Variants in SBF2 observed in about 807,000 individuals in gnomAD.
SBF2 encodes the protein myotubularin-related protein 13.
A neutral mutation model predicts 225.2 loss-of-function variants in SBF2; 112 were observed. The observed-to-expected ratio is 0.50, with a 90% confidence interval of 0.43 to 0.58. SBF2 has a LOEUF of 0.58. Among genes scored for constraint, SBF2 ranks in the 20% least tolerant of loss-of-function variants. The pLI is 0.00. For synonymous variants in SBF2, 763 were observed against 773.3 expected (o/e 0.99, Z 0.22); for missense variants, 1,996 against 2,206.2 (o/e 0.90, Z 1.91).
At chr11:10,097,526 T>C (rs1952076854) in intron 2 of SBF2, among the ~76,000 whole-genome samples, 1 of 152,068 alleles carries the variant, frequency 6.6e-6, no homozygotes, top group Non-Finnish European at 1.5e-5. Context: ...AAACACATTC[T>C]TTAAAAAAAG....
chr11:10,289,353 G>A (rs1160621365), intron 1 of SBF2, among the ~76,000 whole-genome samples: 1 of 152,162 alleles, frequency 6.6e-6, no homozygotes, highest in Non-Finnish European at 1.5e-5. Context: ...TGGGTCCACA[G>A]CTCTGACTTG....
At chr11:10,013,246 T>G (rs1288152104) in intron 6 of SBF2, among the ~76,000 whole-genome samples, 1 of 152,172 alleles carries the variant, frequency 6.6e-6, no homozygotes, top group Admixed American at 6.5e-5. Flanking sequence ...CTCCTACTGG[T>G]TTCAATACTT....
At chr11:10,240,520 A>G (rs1959193643) in intron 1 of SBF2, among the ~76,000 whole-genome samples, 2 of 152,238 alleles carry the variant, frequency 1.3e-5, no homozygotes, top group South Asian at 4.1e-4. Flanking sequence ...TGAGTGACAC[A>G]GAATCAGTAT....
intron 2 of SBF2, among the ~76,000 whole-genome samples, chr11:10,138,396 T>A (rs1954485467): frequency 6.6e-6 from 1 of 152,198 alleles, no homozygotes; most frequent in African/African-American, 2.4e-5. Context: ...AACAATTGTA[T>A]CATCCCCTCA....
chr11:10,250,052 T>C (rs1960198661), intron 1 of SBF2, among the ~76,000 whole-genome samples: 1 of 152,104 alleles, frequency 6.6e-6, no homozygotes, highest in Non-Finnish European at 1.5e-5. Context: ...TTTCTAAAAT[T>C]CTAATACGTC....
intron 17 of SBF2, among the ~76,000 whole-genome samples, chr11:9,881,108 C>T (rs1447742320): frequency 6.6e-6 from 1 of 152,116 alleles, no homozygotes; most frequent in Admixed American, 6.5e-5. Flanking sequence ...CCTTTTATAG[C>T]ATAAAAAGGC....
intron 6 of SBF2, among the ~76,000 whole-genome samples, chr11:10,026,923 CAGTG>C (rs1299640274): frequency 1.3e-5 from 2 of 152,004 alleles, no homozygotes; most frequent in East Asian, 3.9e-4. Flanking sequence ...TAACTATGCT[CAGTG>C]AGTAAAAACT....
At chr11:10,263,659 A>C (rs1252772746) in intron 1 of SBF2, among the ~76,000 whole-genome samples, 1 of 152,186 alleles carries the variant, frequency 6.6e-6, no homozygotes, top group Non-Finnish European at 1.5e-5. Flanking sequence ...TGCTGTACTT[A>C]AGAATAGAAG....
chr11:10,142,635 C>T (rs759314724), intron 2 of SBF2, among the ~76,000 whole-genome samples: 109 of 152,250 alleles, frequency 7.2e-4, no homozygotes, highest in South Asian at 1.7e-3. Context: ...CTATAAAACA[C>T]TGATACTTAG....
At chr11:9,980,121 C>CAAT (rs755951517) in intron 13 of SBF2, among the ~76,000 whole-genome samples, 14 of 151,536 alleles carry the variant, frequency 9.2e-5, no homozygotes, top group Non-Finnish European at 1.6e-4. Flanking sequence ...GTTAGGATTA[C>CAAT]AGGCACGTGC....
intron 6 of SBF2, among the ~76,000 whole-genome samples, chr11:10,004,923 C>T (rs1423480494): frequency 6.6e-6 from 1 of 152,166 alleles, no homozygotes; most frequent in African/African-American, 2.4e-5. Context: ...AACCAATGTA[C>T]ATCTTATGCA....
At chr11:9,915,122 A>T (rs943622073) in intron 16 of SBF2, among the ~76,000 whole-genome samples, 3 of 152,208 alleles carry the variant, frequency 2.0e-5, no homozygotes, top group African/African-American at 7.2e-5. Flanking sequence ...TATGCTAGAA[A>T]TGTTTCATTA....
intron 6 of SBF2, among the ~76,000 whole-genome samples, chr11:10,014,446 A>T (rs565410513): frequency 7.3e-6 from 1 of 137,834 alleles, no homozygotes; most frequent in Non-Finnish European, 1.5e-5. Flanking sequence ...ATACTTATTC[A>T]TTTGCTAAAT....
Position 9,816,960 on chromosome 11 carries a change from A to C in SBF2, c.3858T>G (p.Val1286=), listed in dbSNP as rs768590614. ...LISSPTSFID[V]GARLAGKDHS... The stretch of plus-strand genomic sequence containing the variant: ...GATCCTTGCCTGCCAGCCGGGCGCC[A>C]ACATCAATGAAGGATGTTGGAGAGC... The change falls in exon 29 of 40, where the codon GTT becomes GTG. Residue 1286 remains valine, a synonymous_variant. Coordinates refer to ENST00000256190, the MANE Select transcript of SBF2 (RefSeq NM_030962.4). The C allele has an allele frequency of 6.2e-7, 1 of 1,614,212 alleles. No individual in the cohort carries two copies. Among genetic ancestry groups the C allele is most frequent in the South Asian group, 1.1e-5 (1 of 91,088 alleles).
intron 6 of SBF2, among the ~76,000 whole-genome samples, chr11:10,009,429 G>A (rs1424664350): frequency 6.6e-6 from 1 of 151,874 alleles, no homozygotes; most frequent in East Asian, 1.9e-4. Flanking sequence ...CCCCTGACAG[G>A]CCCTGGTGTG....
chr11:9,944,309 T>A (rs1465797732), intron 16 of SBF2, among the ~76,000 whole-genome samples: 1 of 152,228 alleles, frequency 6.6e-6, no homozygotes, highest in African/African-American at 2.4e-5. Context: ...AATGTTCATG[T>A]TCTATTTCTT....
At chr11:9,798,710 G>T (rs1189295175) in intron 32 of SBF2, among the ~76,000 whole-genome samples, 2 of 152,318 alleles carry the variant, frequency 1.3e-5, no homozygotes, top group East Asian at 3.9e-4. Context: ...ACTTTGGGAG[G>T]CCGAGGCGGG....
At chr11:9,959,635 A>C in intron 16 of SBF2, 1 of 754,778 alleles carries the variant, frequency 1.3e-6, no homozygotes, top group South Asian at 1.4e-5. Context: ...TACTCAGGTA[A>C]CTCTTCCACA....
intron 26 of SBF2, among the ~76,000 whole-genome samples, chr11:9,834,933 A>G (rs1007122137): frequency 6.6e-6 from 1 of 152,184 alleles, no homozygotes; most frequent in Admixed American, 6.5e-5. Flanking sequence ...CCTCTGTTAC[A>G]TACAAGATCT....
Sources: allele counts gnomAD v4.1 joint callset (sites outside exome capture counted in the v4.1 genomes callset), GRCh38; gene constraint gnomAD v4.1.1; transcripts MANE v1.5; gene names NCBI Gene and HGNC (gene_info 2026-07-23, HGNC 2026-07-21).